The following CDH4 variants were observed in gnomAD, a reference collection of about 807,000 sequenced individuals.
The protein encoded by CDH4 is cadherin-4.
A neutral mutation model predicts 86.0 loss-of-function variants in CDH4; 33 were observed. The observed-to-expected ratio is 0.38, with a 90% CI of 0.29 to 0.51. CDH4 has a LOEUF of 0.51. Among genes scored for constraint, CDH4 ranks in the 20% least tolerant of loss-of-function variants. CDH4 has a pLI of 0.86. For missense variants in CDH4, 1,114 were observed against 1,307.4 expected (o/e 0.85, Z 2.28); for synonymous variants, 555 against 549.4 (o/e 1.01, Z -0.14).
intron 2 of CDH4, among the ~76,000 whole-genome samples, chr20:61,618,848 G>A (rs972394923): frequency 1.3e-5 from 2 of 152,184 alleles, no homozygotes; most frequent in Admixed American, 6.5e-5. Flanking sequence ...AGGGGCCAAC[G>A]GGGTGACTTT....
chr20:61,327,239 C>G (rs1028676823), intron 2 of CDH4, among the ~76,000 whole-genome samples: 3 of 152,194 alleles, frequency 2.0e-5, no homozygotes, highest in Non-Finnish European at 2.9e-5. Flanking sequence ...AAGTTCTTCA[C>G]TGTCAAAACA....
intron 14 of CDH4, 54 bp downstream of exon 14, chr20:61,933,178 C>T (rs1011225889): frequency 1.3e-6 from 2 of 1,585,800 alleles, no homozygotes; most frequent in Non-Finnish European, 1.7e-6. Flanking sequence ...CTCACGTGTA[C>T]TAGTGTCTCA....
chr20:61,907,208 C>T (rs1179568872), intron 8 of CDH4, among the ~76,000 whole-genome samples: 1 of 151,930 alleles, frequency 6.6e-6, no homozygotes, highest in Non-Finnish European at 1.5e-5. Flanking sequence ...GGCACCAGGT[C>T]AGCTCCTAGA....
intron 3 of CDH4, among the ~76,000 whole-genome samples, chr20:61,758,241 C>G (rs1396777703): frequency 6.6e-6 from 1 of 152,122 alleles, no homozygotes; most frequent in African/African-American, 2.4e-5. Context: ...TGGGAAGAAG[C>G]CAGCCGTGAA....
At chr20:61,550,353 G>GCCTCCCTGC (rs2086120781) in intron 2 of CDH4, among the ~76,000 whole-genome samples, 1 of 151,498 alleles carries the variant, frequency 6.6e-6, no homozygotes, top group Non-Finnish European at 1.5e-5. Context: ...TGCTTCCCTG[G>GCCTCCCTGC]CCTCCCTGCC....
rs79350155 is a variant in CDH4 at position 61,303,849 on chromosome 20, A to G, written c.169+48912A>G. On this transcript the variant is annotated intron_variant, in intron 2 of 15. Transcript: ENST00000614565. ...GGGGCAAGCTGGAAAGCGAGCCTTC[A>G]GCAGCAGCCTGGATCCCAGGAGGTC... 6.2e-3 allele frequency among the ~76,000 whole-genome samples: 952 copies of G among 152,332 alleles called. 6 individuals are homozygous for G. Among genetic ancestry groups the G allele is most frequent in the African/African-American group, 0.021 (889 of 41,574 alleles).
At chr20:61,873,618 A>G in intron 6 of CDH4, 110 bp from the exon 7 acceptor site, 3 of 1,179,364 alleles carry the variant, frequency 2.5e-6, no homozygotes, top group South Asian at 2.8e-5. Flanking sequence ...GGGTTCCGCT[A>G]CGCCAGACTC....
At chr20:61,504,420 C>A (rs2145604669) in intron 2 of CDH4, among the ~76,000 whole-genome samples, 1 of 152,284 alleles carries the variant, frequency 6.6e-6, no homozygotes, top group East Asian at 1.9e-4. Flanking sequence ...TAAACATGAC[C>A]TTAGATAGAG....
chr20:61,788,355 G>A (rs1462412870), intron 4 of CDH4, among the ~76,000 whole-genome samples: 1 of 152,198 alleles, frequency 6.6e-6, no homozygotes, highest in Non-Finnish European at 1.5e-5. Flanking sequence ...GGCTGGGGGT[G>A]CAGACAGGGT....
chr20:61,387,445 AACAC>A lies in CDH4; in HGVS notation c.169+132512_169+132515del, dbSNP rs367773185. Among the ~76,000 whole-genome samples, 1,262 of 148,960 alleles carry A rather than the reference AACAC, an allele frequency of 8.5e-3. 14 individuals carry two copies. Among genetic ancestry groups the A allele is most frequent in the African/African-American group, 0.029 (1,186 of 40,240 alleles). On this transcript the variant is annotated intron_variant, in intron 2 of 15. Transcript: ENST00000614565. ...AGACACACAGCCACACAAACAGAGA[AACAC>A]ACAGCCACACAAATATATACATACA...
At chr20:61,375,488 G>T (rs1337107328) in intron 2 of CDH4, among the ~76,000 whole-genome samples, 1 of 151,630 alleles carries the variant, frequency 6.6e-6, no homozygotes, top group East Asian at 1.9e-4. Flanking sequence ...ATTGATGGCA[G>T]TGTGATTGTC....
intron 2 of CDH4, among the ~76,000 whole-genome samples, chr20:61,534,657 C>CT (rs2085981480): frequency 1.1e-5 from 1 of 91,012 alleles, no homozygotes; most frequent in South Asian, 3.0e-4. Flanking sequence ...TCTTTTCTTT[C>CT]TTTCTTTCTT....
At chr20:61,593,964 C>A (rs932255051) in intron 2 of CDH4, among the ~76,000 whole-genome samples, 5 of 144,744 alleles carry the variant, frequency 3.5e-5, no homozygotes, top group African/African-American at 1.3e-4. Flanking sequence ...ACCTGGTGAA[C>A]GCATGGATGA....
At chr20:61,916,207 C>T (rs1019030759) in intron 9 of CDH4, among the ~76,000 whole-genome samples, 11 of 151,150 alleles carry the variant, frequency 7.3e-5, no homozygotes, top group African/African-American at 1.2e-4. Context: ...TGGGGAGTGG[C>T]GGGTGGTGTG....
At chr20:61,467,473 T>C (rs2085479137) in intron 2 of CDH4, among the ~76,000 whole-genome samples, 1 of 152,208 alleles carries the variant, frequency 6.6e-6, no homozygotes, top group East Asian at 1.9e-4. Flanking sequence ...ATTTTGGCAG[T>C]ACAATAGGCA....
chr20:61,680,020 C>T (rs2087493002), intron 2 of CDH4, among the ~76,000 whole-genome samples: 1 of 152,198 alleles, frequency 6.6e-6, no homozygotes, highest in African/African-American at 2.4e-5. Flanking sequence ...GCTGAGGAGC[C>T]TGTCCACAGC....
chr20:61,925,667 G>T (rs547144340), intron 11 of CDH4, among the ~76,000 whole-genome samples: 7 of 152,224 alleles, frequency 4.6e-5, no homozygotes, highest in Non-Finnish European at 1.0e-4. Context: ...AGTGAATACT[G>T]ATGGAGGAAA....
intron 2 of CDH4, among the ~76,000 whole-genome samples, chr20:61,345,528 T>C (rs2084673900): frequency 6.6e-6 from 1 of 152,262 alleles, no homozygotes; most frequent in Non-Finnish European, 1.5e-5. Flanking sequence ...CTTTATGGAA[T>C]ACCCAGGGTG....
intron 3 of CDH4, among the ~76,000 whole-genome samples, chr20:61,765,561 G>A (rs1169790353): frequency 2.0e-5 from 3 of 152,238 alleles, no homozygotes; most frequent in Non-Finnish European, 4.4e-5. Context: ...TAGGGCGTAA[G>A]GAGAGCAGGG....
Sources: gnomAD v4.1 joint callset for allele counts (sites outside exome capture counted in the v4.1 genomes callset) on GRCh38, gnomAD v4.1.1 for gene constraint, MANE v1.5 for transcripts, NCBI Gene and HGNC (gene_info 2026-07-23, HGNC 2026-07-21) for gene names.